Variants in ATF3 observed in about 807,000 individuals in gnomAD.
The protein encoded by ATF3 is cyclic AMP-dependent transcription factor ATF-3.
In ATF3, 10 loss-of-function variants were observed where a neutral mutation model predicts 18.4. That is an observed-to-expected ratio of 0.54 (90% CI 0.34 to 0.92). ATF3 has a LOEUF of 0.92. Among genes scored for constraint, ATF3 ranks in the 40% least tolerant of loss-of-function variants. The probability of loss-of-function intolerance (pLI) is 0.02; values close to 1 mark genes in which losing one functional copy is unlikely to be tolerated. For synonymous variants in ATF3, 78 were observed against 87.9 expected, an observed-to-expected ratio of 0.89 and a Z score of 0.63; for missense variants, 183 against 222.3, an observed-to-expected ratio of 0.82 and a Z score of 1.12.
At chr1:212,614,600 A>AG (rs1655027216) in intron 1 of ATF3, among the ~76,000 whole-genome samples, 1 of 148,724 alleles carries the variant, frequency 6.7e-6, no homozygotes, top group South Asian at 2.2e-4. Context: ...CAAAAAAAAA[A>AG]AAAGAGAGAG....
intron 1 of ATF3, among the ~76,000 whole-genome samples, chr1:212,575,383 T>C (rs77787082): frequency 3.9e-5 from 6 of 152,202 alleles, no homozygotes; most frequent in Non-Finnish European, 8.8e-5. Flanking sequence ...TTTTTGCATG[T>C]TTTTTGTATC....
At chr1:212,617,965 G>A (rs1343243761) in intron 2 of ATF3, among the ~76,000 whole-genome samples, 162 bp from the exon 3 acceptor site, 1 of 143,192 alleles carries the variant, frequency 7.0e-6, no homozygotes, top group African/African-American at 2.6e-5. Context: ...GTGTGTGTGT[G>A]TAGGGGTTTT....
intron 1 of ATF3, among the ~76,000 whole-genome samples, chr1:212,599,328 T>C (rs371042851): frequency 1.1e-3 from 164 of 152,320 alleles, no homozygotes; most frequent in African/African-American, 3.6e-3. Flanking sequence ...AGGCTGAGGA[T>C]CATTGGCTTT....
Position 212,616,517 on chromosome 1 carries a change from C to T in ATF3, c.240+1256C>T, listed in dbSNP as rs11571547. On this transcript the variant is annotated intron_variant, in intron 2 of 3. Coordinates refer to ENST00000341491, the MANE Select transcript of ATF3 (RefSeq NM_001674.4). Reference sequence around the variant, plus strand: ...TTCTCCATGTTGGCCAGGCTGGTCTCGAACTCCTGACCTCAGGTAATCCGC... The same window carrying T: ...TTCTCCATGTTGGCCAGGCTGGTCTTGAACTCCTGACCTCAGGTAATCCGC... Among the ~76,000 whole-genome samples the T allele has an allele frequency of 2.4e-4, 37 of 152,086 alleles. No homozygotes were observed. In the South Asian group the frequency reaches 6.4e-3, roughly 26 times the overall value.
intron 1 of ATF3, among the ~76,000 whole-genome samples, chr1:212,585,475 C>T (rs114306456): frequency 0.013 from 2,047 of 152,320 alleles, 35 homozygotes; most frequent in African/African-American, 0.041. Context: ...CAGAGGAGCT[C>T]TCTGTGGAGG....
intron 1 of ATF3, among the ~76,000 whole-genome samples, chr1:212,589,678 C>T (rs546076039): frequency 7.5e-4 from 101 of 134,910 alleles, no homozygotes; most frequent in African/African-American, 2.8e-3. Flanking sequence ...AGTGAGACAC[C>T]GTCTCAAAAA....
intron 1 of ATF3, among the ~76,000 whole-genome samples, chr1:212,585,198 G>A (rs557462799): frequency 8.5e-5 from 13 of 152,308 alleles, no homozygotes; most frequent in Middle Eastern, 3.4e-3. Context: ...AAAGGTGAGC[G>A]GGGCTCCTGT....
intron 1 of ATF3, among the ~76,000 whole-genome samples, chr1:212,598,539 A>C (rs9430097): frequency 0.33 from 50,229 of 152,164 alleles, 8,666 homozygotes; most frequent in East Asian, 0.58. Context: ...TTGCGGTGCT[A>C]TCAATAGTAG....
intron 1 of ATF3, among the ~76,000 whole-genome samples, chr1:212,576,763 T>C (rs1664588536): frequency 7.5e-6 from 1 of 132,912 alleles, no homozygotes; most frequent in African/African-American, 2.9e-5. Flanking sequence ...AGTCTCGCTC[T>C]GTCGCCCAGG....
At chr1:212,576,046 G>A (rs1167257118) in intron 1 of ATF3, among the ~76,000 whole-genome samples, 2 of 152,100 alleles carry the variant, frequency 1.3e-5, no homozygotes, top group South Asian at 2.1e-4. Context: ...GTTTAAAGCA[G>A]GGCTTATCTA....
chr1:212,611,499 A>C (rs949103729), intron 1 of ATF3, among the ~76,000 whole-genome samples: 1 of 152,198 alleles, frequency 6.6e-6, no homozygotes, highest in Non-Finnish European at 1.5e-5. Flanking sequence ...AGCCTAAGTG[A>C]TTTGTTGGTG....
upstream of ATF3, among the ~76,000 whole-genome samples, chr1:212,607,589 C>T (rs1271097187): frequency 2.0e-5 from 3 of 152,386 alleles, no homozygotes; most frequent in East Asian, 5.8e-4. Flanking sequence ...GGGATTTCTG[C>T]TGCGGGTTCC....
intron 1 of ATF3, among the ~76,000 whole-genome samples, chr1:212,610,145 C>A (rs78273136): frequency 2.0e-5 from 3 of 152,192 alleles, no homozygotes; most frequent in Admixed American, 6.5e-5. Context: ...CTGCTCCCCC[C>A]ACTCCCATTT....
At chr1:212,595,631 A>G (rs747308474) in intron 1 of ATF3, among the ~76,000 whole-genome samples, 1 of 152,216 alleles carries the variant, frequency 6.6e-6, no homozygotes, top group Non-Finnish European at 1.5e-5. Flanking sequence ...ATGGCCAAGA[A>G]ACAAAAATAT....
At chr1:212,577,586 C>T (rs868364133) in intron 1 of ATF3, among the ~76,000 whole-genome samples, 11 of 151,456 alleles carry the variant, frequency 7.3e-5, no homozygotes, top group Admixed American at 4.6e-4. Context: ...ACCCCCACCA[C>T]GGCCTCAGCT....
intron 1 of ATF3, among the ~76,000 whole-genome samples, chr1:212,593,859 C>G (rs1479417904): frequency 6.6e-6 from 1 of 151,406 alleles, no homozygotes; most frequent in Non-Finnish European, 1.5e-5. Context: ...CTAGGGCTGT[C>G]TTTATTTTTC....
intron 1 of ATF3, among the ~76,000 whole-genome samples, chr1:212,581,771 A>G (rs537375084): frequency 6.6e-6 from 1 of 152,220 alleles, no homozygotes; most frequent in East Asian, 1.9e-4. Context: ...TTACACACAG[A>G]TATAATAAAA....
intron 1 of ATF3, among the ~76,000 whole-genome samples, chr1:212,576,716 C>CTTTTTT (rs761124416): frequency 0.021 from 1,669 of 77,754 alleles, 105 homozygotes; most frequent in Non-Finnish European, 0.025. Context: ...CTTTTCTTTT[C>CTTTTTT]TTTTCTTTTT....
Position 212,615,181 on chromosome 1 carries a change from C to G in ATF3, c.160C>G (p.Leu54Val), listed in dbSNP as rs771660032. The G allele has an allele frequency of 1.9e-6, 3 of 1,614,080 alleles. No individual in the cohort carries two copies. The African/African-American group carries it at 4.0e-5, about 22-fold the overall frequency. ...ELRFAIQNKH[L>V]CHRMSSALES... ...GAGGTTTGCCATCCAGAACAAGCAC[C>G]TCTGCCACCGGATGTCCTCTGCGCT... is the stretch of plus-strand genomic sequence containing the variant. The change falls in exon 2 of 4, where the codon CTC becomes GTC. Residue 54 changes from leucine to valine, a missense_variant. By Grantham distance (32) the Leu-to-Val change is conservative. Coordinates refer to ENST00000341491, the MANE Select transcript of ATF3 (RefSeq NM_001674.4).
Sources: gnomAD v4.1 joint callset for allele counts (sites outside exome capture counted in the v4.1 genomes callset) on GRCh38, gnomAD v4.1.1 for gene constraint, MANE v1.5 for transcripts, NCBI Gene and HGNC (gene_info 2026-07-23, HGNC 2026-07-21) for gene names.